The following PIERCE2 variants were observed in gnomAD, a reference collection of about 807,000 sequenced individuals.
PIERCE2 encodes the protein piercer of microtubule wall 2 protein.
the PIERCE2 span, chr15:55,418,465 T>G: frequency 6.6e-7 from 1 of 1,525,270 alleles, no homozygotes; most frequent in South Asian, 1.2e-5. Context: ...AGCAAGTATT[T>G]TCAAGCCATA....
chr15:55,414,213 T>TC, the PIERCE2 span, among the ~76,000 whole-genome samples: 1 of 150,962 alleles, frequency 6.6e-6, no homozygotes, highest in South Asian at 2.1e-4. Flanking sequence ...TTTTTTGTTT[T>TC]TTTTTTTTTT....
chr15:55,418,487 G>C, the PIERCE2 span: 1 of 1,528,544 alleles, frequency 6.5e-7, no homozygotes, highest in African/African-American at 1.4e-5. Flanking sequence ...CAGAGCAACT[G>C]GATTTTATCA....
the PIERCE2 span, among the ~76,000 whole-genome samples, chr15:55,414,694 C>G: frequency 1.3e-5 from 2 of 150,110 alleles, no homozygotes; most frequent in Admixed American, 6.7e-5. Flanking sequence ...GCCTGGCCAA[C>G]ATGGTGAAAC....
the PIERCE2 span, chr15:55,418,556 C>T: frequency 6.8e-7 from 1 of 1,463,134 alleles, no homozygotes; most frequent in Non-Finnish European, 9.2e-7. Flanking sequence ...TCCTAATATT[C>T]AACACACTCT....
At chr15:55,408,650 T>C in the PIERCE2 span, 1 of 646,334 alleles carries the variant, frequency 1.5e-6, no homozygotes, top group Non-Finnish European at 2.8e-6. Flanking sequence ...ATTCATCTTC[T>C]GTTTGCTGCT....
the PIERCE2 span, among the ~76,000 whole-genome samples, chr15:55,414,301 C>A: frequency 6.6e-6 from 1 of 150,840 alleles, no homozygotes; most frequent in African/African-American, 2.4e-5. Context: ...CCTTGGCCTC[C>A]CGGGTTGAAG....
At chr15:55,417,424 A>AT in the PIERCE2 span, among the ~76,000 whole-genome samples, 167 of 151,172 alleles carry the variant, frequency 1.1e-3, no homozygotes, top group African/African-American at 3.2e-3. Flanking sequence ...AATATCTTGT[A>AT]TTTTTTTTTC....
At chr15:55,411,862 G>A in the PIERCE2 span, among the ~76,000 whole-genome samples, 5 of 151,830 alleles carry the variant, frequency 3.3e-5, no homozygotes, top group South Asian at 2.1e-4. Context: ...CGGAGGTTGC[G>A]GTGAGCTGAG....
chr15:55,414,054 C>T, the PIERCE2 span, among the ~76,000 whole-genome samples: 2 of 151,604 alleles, frequency 1.3e-5, no homozygotes, highest in Non-Finnish European at 2.9e-5. Context: ...CCCGCCACCA[C>T]GCCCGGCTAA....
the PIERCE2 span, chr15:55,411,055 T>A: frequency 6.6e-6 from 1 of 152,214 alleles, no homozygotes; most frequent in African/African-American, 2.4e-5. Context: ...TACAAACTTA[T>A]GAGTATTAAG....
the PIERCE2 span, among the ~76,000 whole-genome samples, chr15:55,415,184 T>C: frequency 4.0e-5 from 6 of 151,760 alleles, no homozygotes; most frequent in Non-Finnish European, 7.4e-5. Context: ...AAGGAAGGGC[T>C]TGGCCGGGCG....
chr15:55,414,894 AAACATTGATTGTTCATCTATT>A, the PIERCE2 span, among the ~76,000 whole-genome samples: 1 of 152,122 alleles, frequency 6.6e-6, no homozygotes, highest in Admixed American at 6.6e-5. Context: ...AAGAAAAACA[AAACATTGATTGTTCATCTATT>A]AACTTTTAAT....
At chr15:55,408,568 T>C in the PIERCE2 span, 116 of 408,478 alleles carry the variant, frequency 2.8e-4, no homozygotes, top group South Asian at 2.6e-3. Context: ...CCAGAAAGAA[T>C]TCGTGGTTTC....
chr15:55,417,776 T>G, the PIERCE2 span: 1 of 200,924 alleles, frequency 5.0e-6, no homozygotes, highest in Admixed American at 5.2e-5. Context: ...AATAAAGCTT[T>G]TTAATCACCT....
At chr15:55,418,623 T>C in the PIERCE2 span, 1 of 1,225,762 alleles carries the variant, frequency 8.2e-7, no homozygotes, top group South Asian at 1.6e-5. Flanking sequence ...AAAATGAGTG[T>C]TAAATCTAAG....
chr15:55,412,796 G>A, the PIERCE2 span, among the ~76,000 whole-genome samples: 3 of 151,792 alleles, frequency 2.0e-5, no homozygotes, highest in African/African-American at 2.4e-5. Context: ...AGAAAAAGTT[G>A]ATGAAGAGTA....
the PIERCE2 span, among the ~76,000 whole-genome samples, chr15:55,414,867 G>T: frequency 6.6e-6 from 1 of 151,798 alleles, no homozygotes; most frequent in Admixed American, 6.6e-5. Flanking sequence ...AACAGAGTGA[G>T]ACTCCATCTC....
At chr15:55,414,325 T>C in the PIERCE2 span, among the ~76,000 whole-genome samples, 8 of 150,864 alleles carry the variant, frequency 5.3e-5, no homozygotes, top group Admixed American at 2.7e-4. Context: ...TTCCCCTGCC[T>C]CAGCCTCCCG....
the PIERCE2 span, among the ~76,000 whole-genome samples, chr15:55,414,085 G>A: frequency 1.3e-5 from 2 of 151,650 alleles, no homozygotes; most frequent in African/African-American, 2.4e-5. Flanking sequence ...TTTTAGTAGA[G>A]ACAGGGTTTC....
Sources: allele counts gnomAD v4.1 joint callset (sites outside exome capture counted in the v4.1 genomes callset), GRCh38; gene constraint gnomAD v4.1.1; transcripts MANE v1.5; gene names NCBI Gene and HGNC (gene_info 2026-07-23, HGNC 2026-07-21).